Variants in MGMT observed in about 807,000 individuals in gnomAD.
MGMT encodes methylated-DNA--protein-cysteine methyltransferase.
Under a neutral mutation model 15.9 loss-of-function variants are expected in MGMT, and 14 were observed. That is an observed-to-expected ratio of 0.88 (90% confidence interval 0.58 to 1.37). The LOEUF is 1.37. MGMT is among the 40% of genes most tolerant of loss of function. MGMT has a pLI of 0.00. For synonymous variants in MGMT, 130 were observed against 118.2 expected (o/e 1.10, Z -0.65); for missense variants, 282 against 268.1 (o/e 1.05, Z -0.36).
At chr10:129,503,955 G>T (rs1287082509) in intron 1 of MGMT, among the ~76,000 whole-genome samples, 1 of 152,120 alleles carries the variant, frequency 6.6e-6, no homozygotes, top group Admixed American at 6.5e-5. Context: ...CTGTCTTTGT[G>T]TGCACTGGGA....
chr10:129,537,182 G>A (rs1011314257), intron 2 of MGMT: 1 of 151,812 alleles, frequency 6.6e-6, no homozygotes, highest in African/African-American at 2.4e-5. Flanking sequence ...TCCTATGCTT[G>A]GTGTTTCTCT....
chr10:129,571,578 A>G (rs1008361981), intron 2 of MGMT, among the ~76,000 whole-genome samples: 26 of 152,146 alleles, frequency 1.7e-4, no homozygotes, highest in African/African-American at 6.3e-4. Context: ...AAAAATTCAA[A>G]AGACTGAAAA....
At chr10:129,481,898 TTC>T (rs1243414313) in intron 1 of MGMT, among the ~76,000 whole-genome samples, 1 of 152,200 alleles carries the variant, frequency 6.6e-6, no homozygotes, top group Non-Finnish European at 1.5e-5. Context: ...TACTTGATTT[TTC>T]TCTCTTACTG....
chr10:129,761,244 G>GC (rs151250704), intron 4 of MGMT, among the ~76,000 whole-genome samples: 5,587 of 152,192 alleles, frequency 0.037, 357 homozygotes, highest in African/African-American at 0.13. Context: ...TACTCTTTGT[G>GC]CCCCCCGAGG....
intron 2 of MGMT, among the ~76,000 whole-genome samples, chr10:129,683,464 C>T (rs990972300): frequency 6.6e-6 from 1 of 152,158 alleles, no homozygotes; most frequent in African/African-American, 2.4e-5. Flanking sequence ...GAGAAAATGC[C>T]CGGGTGAGTG....
At chr10:129,672,518 C>T (rs529668227) in intron 2 of MGMT, among the ~76,000 whole-genome samples, 15 of 152,222 alleles carry the variant, frequency 9.9e-5, no homozygotes, top group Admixed American at 1.3e-4. Flanking sequence ...TCTTGTTCTC[C>T]GTTATTTCCC....
intron 3 of MGMT, among the ~76,000 whole-genome samples, chr10:129,711,963 T>C (rs577506774): frequency 2.0e-5 from 3 of 152,236 alleles, no homozygotes; most frequent in East Asian, 1.9e-4. Flanking sequence ...CTTCTTTATA[T>C]AATGTGCCTT....
intron 1 of MGMT, among the ~76,000 whole-genome samples, chr10:129,477,204 C>G (rs1325447750): frequency 6.6e-6 from 1 of 152,186 alleles, no homozygotes; most frequent in East Asian, 1.9e-4. Context: ...CAATCTTCCC[C>G]ACTCTCACTT....
chr10:129,711,984 T>G (rs1002744493), intron 3 of MGMT, among the ~76,000 whole-genome samples: 1 of 152,250 alleles, frequency 6.6e-6, no homozygotes, highest in Admixed American at 6.5e-5. Flanking sequence ...CTGGAGAAGC[T>G]GTAGGGGTCA....
At chr10:129,546,982 A>T (rs1351246949) in intron 2 of MGMT, among the ~76,000 whole-genome samples, 1 of 152,156 alleles carries the variant, frequency 6.6e-6, no homozygotes, top group African/African-American at 2.4e-5. Context: ...CAAACACCCC[A>T]AGTTCTAGAT....
At chr10:129,558,480 G>A (rs141594393) in intron 2 of MGMT, among the ~76,000 whole-genome samples, 1 of 152,292 alleles carries the variant, frequency 6.6e-6, no homozygotes, top group African/African-American at 2.4e-5. Flanking sequence ...GCAGAGCGTG[G>A]CCCTGGTCCT....
intron 2 of MGMT, among the ~76,000 whole-genome samples, chr10:129,675,547 A>G (rs779736393): frequency 1.1e-4 from 17 of 152,204 alleles, no homozygotes; most frequent in Non-Finnish European, 2.4e-4. Flanking sequence ...AGTCCCCATC[A>G]GAAGGGGAAA....
At chr10:129,554,698 G>A (rs1564850710) in intron 2 of MGMT, among the ~76,000 whole-genome samples, 1 of 152,110 alleles carries the variant, frequency 6.6e-6, no homozygotes, top group Non-Finnish European at 1.5e-5. Context: ...GTGACCCTAA[G>A]TGACTCCTCA....
At chr10:129,511,193 G>T (rs879701228) in intron 1 of MGMT, among the ~76,000 whole-genome samples, 2 of 139,274 alleles carry the variant, frequency 1.4e-5, no homozygotes, top group Admixed American at 7.2e-5. Context: ...GCTTCATGCA[G>T]TAGGAACCCT....
At chr10:129,665,279 C>CCTCTCCCAACTCTCT (rs371558533) in intron 2 of MGMT, among the ~76,000 whole-genome samples, 359 of 145,308 alleles carry the variant, frequency 2.5e-3, no homozygotes, top group Non-Finnish European at 3.7e-3. Context: ...CATCCTCTCC[C>CCTCTCCCAACTCTCT]CTCTCCCAAC....
intron 2 of MGMT, among the ~76,000 whole-genome samples, chr10:129,565,116 G>A (rs536588942): frequency 3.3e-5 from 5 of 152,212 alleles, no homozygotes; most frequent in African/African-American, 4.8e-5. Flanking sequence ...TAGCCTGCCC[G>A]GCGGGGCCGG....
At chr10:129,761,434 C>G (rs1352178706) in intron 4 of MGMT, among the ~76,000 whole-genome samples, 1 of 152,226 alleles carries the variant, frequency 6.6e-6, no homozygotes, top group African/African-American at 2.4e-5. Context: ...AGCACCCTCC[C>G]CCACCAGCCT....
intron 2 of MGMT, among the ~76,000 whole-genome samples, chr10:129,632,860 A>G (rs546333): frequency 0.34 from 51,722 of 152,088 alleles, 9,881 homozygotes; most frequent in African/African-American, 0.51. Flanking sequence ...GAATACTTAG[A>G]TACGACGGAA....
chr10:129,650,560 T>G (rs1029978471), intron 2 of MGMT, among the ~76,000 whole-genome samples: 1 of 152,172 alleles, frequency 6.6e-6, no homozygotes, highest in Non-Finnish European at 1.5e-5. Context: ...CCTTTTGTTC[T>G]TTTTGCGAGG....
Sources: gnomAD v4.1 joint callset for allele counts (sites outside exome capture counted in the v4.1 genomes callset) on GRCh38, gnomAD v4.1.1 for gene constraint, MANE v1.5 for transcripts, NCBI Gene and HGNC (gene_info 2026-07-23, HGNC 2026-07-21) for gene names.